ADGRL2: variants seen among roughly 807,000 people sequenced by gnomAD.
ADGRL2 encodes the protein adhesion G protein-coupled receptor L2.
In ADGRL2, 44 loss-of-function variants were observed where a neutral mutation model predicts 157.4. That is an observed-to-expected ratio of 0.28 (90% CI 0.22 to 0.36). The LOEUF (loss-of-function observed/expected upper bound fraction) is 0.36. ADGRL2 is among the 10% of genes least tolerant of loss of function. The probability of loss-of-function intolerance (pLI) is 1.00; values close to 1 mark genes in which losing one functional copy is unlikely to be tolerated. For missense variants in ADGRL2, 1,510 were observed against 1,768.9 expected, an observed-to-expected ratio of 0.85 and a Z score of 2.63; for synonymous variants, 585 against 624.7, an observed-to-expected ratio of 0.94 and a Z score of 0.95.
At chr1:81,981,678 C>T (rs1260852316) in intron 18 of ADGRL2, 130 bp from the exon 19 acceptor site, 1 of 766,350 alleles carries the variant, frequency 1.3e-6, no homozygotes, top group Non-Finnish European at 2.1e-6. Context: ...AAGGTTAAAA[C>T]CAAAATGCTG....
intron 1 of ADGRL2, among the ~76,000 whole-genome samples, chr1:81,390,329 T>C (rs1293801768): frequency 1.3e-5 from 2 of 152,308 alleles, no homozygotes; most frequent in Non-Finnish European, 2.9e-5. Context: ...TGATGTTCAT[T>C]CTACTGACTG....
At chr1:81,348,738 C>T (rs11163256) in intron 1 of ADGRL2, among the ~76,000 whole-genome samples, 109,582 of 152,040 alleles carry the variant, frequency 0.72, 40,190 homozygotes, top group African/African-American at 0.83. Flanking sequence ...GTTTTAAAAT[C>T]AGGATGATAT....
At chr1:81,712,755 ATTTTTTTTTT>A (rs60265943) in intron 1 of ADGRL2, among the ~76,000 whole-genome samples, 2 of 100,250 alleles carry the variant, frequency 2.0e-5, no homozygotes, top group African/African-American at 4.0e-5. Flanking sequence ...TGGATCGCGG[ATTTTTTTTTT>A]TTTTTTTTTT....
At chr1:81,557,471 A>AAAGAAAGAAAG (rs1286418636) in intron 2 of ADGRL2, 1 of 92,738 alleles carries the variant, frequency 1.1e-5, no homozygotes. Flanking sequence ...AAGAAAGAAG[A>AAAGAAAGAAAG]AAGAAAGAAA....
intron 2 of ADGRL2, among the ~76,000 whole-genome samples, chr1:81,883,785 C>T (rs2094049280): frequency 6.6e-6 from 1 of 151,948 alleles, no homozygotes; most frequent in East Asian, 1.9e-4. Flanking sequence ...CTCTTTCTAG[C>T]ACTCTATCTG....
chr1:81,848,414 A>C (rs1007398394), intron 2 of ADGRL2, among the ~76,000 whole-genome samples: 1 of 151,972 alleles, frequency 6.6e-6, no homozygotes, highest in African/African-American at 2.4e-5. Flanking sequence ...TAAGGCCTGC[A>C]GATTGTTCCT....
At position 81,729,073 on chromosome 1, in the gene ADGRL2, AAT is replaced by A. The variant is rs575446690; in HGVS notation, c.-143+29269_-143+29270del. 1.3e-4 allele frequency among the ~76,000 whole-genome samples: 19 copies of A among 151,252 alleles called. No homozygotes were observed. In the East Asian group the frequency reaches 3.5e-3, roughly 28 times the overall value. ...TGCACTTGTTAGATGCTAGGATACA[AAT>A]ATAGGAAGAATTATTATATAATATT... On this transcript the variant is annotated intron_variant, in intron 1 of 20. Coordinates refer to the ADGRL2 transcript ENST00000359929.
chr1:81,684,465 CT>C (rs1222546263), intron 3 of ADGRL2, among the ~76,000 whole-genome samples: 6 of 152,070 alleles, frequency 3.9e-5, no homozygotes, highest in African/African-American at 1.4e-4. Context: ...CCTTAGCCTG[CT>C]TTTTGATGGG....
intron 2 of ADGRL2, among the ~76,000 whole-genome samples, chr1:81,448,525 A>AC (rs564409827): frequency 1.6e-3 from 244 of 151,266 alleles, no homozygotes; most frequent in Middle Eastern, 3.4e-3. Flanking sequence ...CAGCCTCTAC[A>AC]CCCCCTGATC....
chr1:81,371,426 G>A (rs1017192034), intron 1 of ADGRL2, among the ~76,000 whole-genome samples: 3 of 152,180 alleles, frequency 2.0e-5, no homozygotes, highest in Admixed American at 6.5e-5. Flanking sequence ...TTTGTAGAAT[G>A]ACATCTGGGT....
At chr1:81,399,556 C>A (rs750099618) in intron 1 of ADGRL2, among the ~76,000 whole-genome samples, 1 of 152,092 alleles carries the variant, frequency 6.6e-6, no homozygotes, top group Non-Finnish European at 1.5e-5. Context: ...TTCTGCTTAA[C>A]CAAGTCAGCT....
upstream of ADGRL2, among the ~76,000 whole-genome samples, chr1:81,800,203 A>T (rs2087831511): frequency 6.6e-6 from 1 of 152,180 alleles, no homozygotes; most frequent in Non-Finnish European, 1.5e-5. Flanking sequence ...TTAATCAAAA[A>T]CAAACAAAAC....
rs758083935 is a variant in ADGRL2 at position 81,578,180 on chromosome 1, C to T, written c.-247-2696C>T. Among the ~76,000 whole-genome samples, 14 of 152,246 alleles carry T rather than the reference C, an allele frequency of 9.2e-5. No homozygotes were observed. In the East Asian group the frequency reaches 9.6e-4, roughly 10 times the overall value. ...TACAATGGGGAAATTCATTGTTAAA[C>T]GACCCTCCCACTCTTATCTCACAGG... On this transcript the variant is annotated intron_variant, in intron 2 of 24. Coordinates refer to the ADGRL2 transcript ENST00000370721.
intron 3 of ADGRL2, among the ~76,000 whole-genome samples, chr1:81,917,173 T>A (rs1331023378): frequency 3.3e-5 from 5 of 152,032 alleles, no homozygotes; most frequent in Non-Finnish European, 7.4e-5. Context: ...AAACTGTCAT[T>A]TATTATGGCC....
At chr1:81,678,539 G>T (rs1362224221) in intron 3 of ADGRL2, among the ~76,000 whole-genome samples, 1 of 152,192 alleles carries the variant, frequency 6.6e-6, no homozygotes, top group Non-Finnish European at 1.5e-5. Context: ...GACATAGCAT[G>T]AACACAGAGG....
At chr1:81,647,503 C>T (rs1224325284) in intron 3 of ADGRL2, among the ~76,000 whole-genome samples, 5 of 152,102 alleles carry the variant, frequency 3.3e-5, no homozygotes, top group African/African-American at 1.2e-4. Flanking sequence ...TCAGTGTCCC[C>T]AGAGGAAAAA....
At chr1:81,472,961 C>T (rs4650370) in intron 2 of ADGRL2, among the ~76,000 whole-genome samples, 116,748 of 152,050 alleles carry the variant, frequency 0.77, 46,635 homozygotes, top group Non-Finnish European at 0.88. Context: ...AAGTGTCTGT[C>T]TGAGAACCCG....
chr1:81,803,204 C>T (rs535699024), intron 1 of ADGRL2, among the ~76,000 whole-genome samples: 2 of 152,094 alleles, frequency 1.3e-5, no homozygotes, highest in African/African-American at 2.4e-5. Flanking sequence ...GGGAGACCCC[C>T]GCGCTGCCCG....
At chr1:81,940,936 GTT>G (rs5775651) in intron 4 of ADGRL2, among the ~76,000 whole-genome samples, 3,124 of 144,492 alleles carry the variant, frequency 0.022, 105 homozygotes, top group African/African-American at 0.073. Context: ...TGTAGGAGTT[GTT>G]TTTTTTTTTT....
Sources: gnomAD v4.1 joint callset for allele counts (sites outside exome capture counted in the v4.1 genomes callset) on GRCh38, gnomAD v4.1.1 for gene constraint, MANE v1.5 for transcripts, NCBI Gene and HGNC (gene_info 2026-07-23, HGNC 2026-07-21) for gene names.